Variants in WWOX observed in about 807,000 individuals in gnomAD.
WWOX encodes WW domain containing oxidoreductase.
A neutral mutation model predicts 46.2 loss-of-function variants in WWOX; 69 were observed. That is an observed-to-expected ratio of 1.49 (90% CI 1.23 to 1.82). The LOEUF is 1.82. Ranked by LOEUF, WWOX falls within the 40% of genes most tolerant of loss-of-function variation. WWOX has a pLI of 0.00. For missense variants in WWOX, 919 were observed against 542.6 expected (o/e 1.69, Z -6.89); for synonymous variants, 359 against 202.6 (o/e 1.77, Z -6.56).
chr16:78,538,236 A>T (rs1312099334), intron 8 of WWOX, among the ~76,000 whole-genome samples: 20 of 151,074 alleles, frequency 1.3e-4, no homozygotes, highest in African/African-American at 4.9e-4. Context: ...AAAAAAAAAA[A>T]AAAAAAAAAA....
intron 8 of WWOX, among the ~76,000 whole-genome samples, chr16:78,617,546 A>G (rs1055709299): frequency 6.6e-6 from 1 of 152,124 alleles, no homozygotes. Context: ...ATAAAGAAGC[A>G]CCCACGTCTT....
chr16:78,964,076 G>T (rs554940955), intron 8 of WWOX, among the ~76,000 whole-genome samples: 24 of 152,046 alleles, frequency 1.6e-4, no homozygotes, highest in Non-Finnish European at 3.1e-4. Context: ...TTTTCTTCCC[G>T]GTCTCAGGTT....
chr16:78,954,350 G>T (rs1272820901), intron 8 of WWOX, among the ~76,000 whole-genome samples: 1 of 152,058 alleles, frequency 6.6e-6, no homozygotes, highest in Non-Finnish European at 1.5e-5. Flanking sequence ...TTGGATGGTT[G>T]GATAATTGGA....
intron 8 of WWOX, among the ~76,000 whole-genome samples, chr16:78,439,959 C>G (rs1335652711): frequency 6.6e-6 from 1 of 152,178 alleles, no homozygotes; most frequent in African/African-American, 2.4e-5. Flanking sequence ...GAGCATTCTG[C>G]TTCAGAACTG....
Position 78,123,440 on chromosome 16 carries a change from G to GTTTTTTGT in WWOX, c.409+8292_409+8293insGTTTTTTT, listed in dbSNP as rs2033202143. The GTTTTTTGT allele has an allele frequency of 5.9e-5, 3 of 50,478 alleles. 1 individual carries two copies. The highest frequency in any genetic ancestry group is 2.5e-4 in the African/African-American group (3 of 11,940). The allele number at this position is 50,478 out of a possible 1,614,324, so 3.1% of individuals were successfully genotyped here. ...TGTTTTTTTCTTTGTTTTTTGTTTT[G>GTTTTTTGT]TTTTTTTTTTTTTTGTTTTTTTTTT... On this transcript the variant is annotated intron_variant, in intron 4 of 8. Coordinates refer to ENST00000566780, the MANE Select transcript of WWOX (RefSeq NM_016373.4).
chr16:78,547,983 C>G (rs202148070), intron 8 of WWOX, among the ~76,000 whole-genome samples: 1 of 151,986 alleles, frequency 6.6e-6, no homozygotes, highest in East Asian at 1.9e-4. Context: ...GAAACCCCGT[C>G]TTTTCTAAAA....
intron 8 of WWOX, among the ~76,000 whole-genome samples, chr16:79,076,805 A>G (rs946928676): frequency 1.3e-5 from 2 of 152,268 alleles, no homozygotes; most frequent in Non-Finnish European, 2.9e-5. Flanking sequence ...ACATAGGGTT[A>G]TAATGAAGAT....
At chr16:78,315,616 C>T (rs1488425243) in intron 5 of WWOX, among the ~76,000 whole-genome samples, 1 of 152,124 alleles carries the variant, frequency 6.6e-6, no homozygotes, top group Non-Finnish European at 1.5e-5. Flanking sequence ...TGCCACTGTA[C>T]TCCAGCCTGG....
chr16:78,740,345 C>G (rs866275484), intron 8 of WWOX, among the ~76,000 whole-genome samples: 19 of 152,136 alleles, frequency 1.2e-4, no homozygotes, highest in African/African-American at 4.3e-4. Flanking sequence ...AATCAAGCAG[C>G]CTCTCTTGAA....
intron 8 of WWOX, among the ~76,000 whole-genome samples, chr16:78,578,921 C>A (rs1011151406): frequency 1.3e-5 from 2 of 152,156 alleles, no homozygotes; most frequent in African/African-American, 4.8e-5. Context: ...GCTGTTGTAG[C>A]TTTGTTGATT....
chr16:78,449,483 C>T (rs1389814459), intron 8 of WWOX, among the ~76,000 whole-genome samples: 2 of 152,148 alleles, frequency 1.3e-5, no homozygotes, highest in Non-Finnish European at 2.9e-5. Context: ...CTTTTGGGGA[C>T]CCTGCTACAT....
At chr16:78,981,698 A>G (rs2046685868) in intron 8 of WWOX, 1 of 152,238 alleles carries the variant, frequency 6.6e-6, no homozygotes, top group Non-Finnish European at 1.5e-5. Flanking sequence ...AAGTGCTGGG[A>G]TTACAGGTGT....
At chr16:79,029,736 C>G (rs755421542) in intron 8 of WWOX, among the ~76,000 whole-genome samples, 6 of 152,220 alleles carry the variant, frequency 3.9e-5, no homozygotes, top group Non-Finnish European at 5.9e-5. Flanking sequence ...TTTAATATTT[C>G]CTTTTAGAGC....
intron 8 of WWOX, among the ~76,000 whole-genome samples, chr16:78,469,453 C>G (rs895990608): frequency 1.3e-5 from 2 of 152,132 alleles, no homozygotes; most frequent in African/African-American, 4.8e-5. Flanking sequence ...GACTAGTGTT[C>G]TGAAACAGAG....
chr16:78,886,863 G>T (rs1010740558), intron 8 of WWOX, among the ~76,000 whole-genome samples: 30 of 152,028 alleles, frequency 2.0e-4, no homozygotes, highest in Non-Finnish European at 4.1e-4. Context: ...GAGTCTTATG[G>T]GATTGTGATG....
At chr16:79,108,869 C>G (rs1028395128) in intron 8 of WWOX, among the ~76,000 whole-genome samples, 12 of 151,854 alleles carry the variant, frequency 7.9e-5, no homozygotes, top group Non-Finnish European at 1.6e-4. Context: ...CCGCTGCACT[C>G]CAGCATACGT....
At chr16:78,278,209 G>GT (rs2079613696) in intron 5 of WWOX, among the ~76,000 whole-genome samples, 1 of 152,198 alleles carries the variant, frequency 6.6e-6, no homozygotes, top group South Asian at 2.1e-4. Context: ...GTGAGTGTGT[G>GT]TATGTGTATA....
chr16:78,224,766 C>A (rs1277065643), intron 5 of WWOX, among the ~76,000 whole-genome samples: 1 of 152,168 alleles, frequency 6.6e-6, no homozygotes, highest in African/African-American at 2.4e-5. Flanking sequence ...AGTATCTTCA[C>A]TAGGAATAAG....
At position 78,424,887 on chromosome 16, in the gene WWOX, T is replaced by G; in HGVS notation, c.623T>G (p.Val208Gly). The change falls in exon 7 of 9, where the codon GTG becomes GGG. Residue 208 changes from valine (V) to glycine (G), a missense_variant. Val to Gly is a moderately radical substitution (Grantham distance 109, BLOSUM62 -3). Coordinates refer to ENST00000566780, the MANE Select transcript of WWOX (RefSeq NM_016373.4). ...TTTTTCAGGCCTCTTCATGTGCTTG[T>G]GTGCAACGCAGCAACTTTTGCTCTA... ...KAKNVPLHVL[V>G]CNAATFALPW... 1 of 1,614,180 alleles carries G rather than the reference T, an allele frequency of 6.2e-7. No homozygotes were observed. The highest frequency in any genetic ancestry group is 8.5e-7 in the Non-Finnish European group (1 of 1,180,034).
Sources: gnomAD v4.1 joint callset for allele counts (sites outside exome capture counted in the v4.1 genomes callset) on GRCh38, gnomAD v4.1.1 for gene constraint, MANE v1.5 for transcripts, NCBI Gene and HGNC (gene_info 2026-07-23, HGNC 2026-07-21) for gene names.